Variants in BLTP1 observed in about 807,000 individuals in gnomAD.
The protein encoded by BLTP1 is bridge-like lipid transfer protein family member 1, also known as fragile site-associated protein.
the BLTP1 span, chr4:122,267,051 ATTTTTTTTTTTTT>A: frequency 3.3e-5 from 5 of 152,260 alleles, no homozygotes; most frequent in Middle Eastern, 1.2e-3. Context: ...TAAGGAAGTA[ATTTTTTTTTTTTT>A]TTTTTTTTTT....
chr4:122,264,887 T>C, the BLTP1 span, among the ~76,000 whole-genome samples: 9 of 152,168 alleles, frequency 5.9e-5, no homozygotes, highest in Non-Finnish European at 1.0e-4. Context: ...ATTATTGAAA[T>C]AGTTCACCCA....
At chr4:122,349,503 A>T in the BLTP1 span, 1 of 1,606,652 alleles carries the variant, frequency 6.2e-7, no homozygotes, top group Non-Finnish European at 8.5e-7. The surrounding 1 kb of genome is among the most constrained non-coding windows in gnomAD (Gnocchi z 4.5). Flanking sequence ...TCAGATTACT[A>T]TGGGTTCTAC....
the BLTP1 span, chr4:122,247,240 C>G: frequency 6.2e-7 from 1 of 1,613,434 alleles, no homozygotes; most frequent in South Asian, 1.1e-5. Flanking sequence ...CACAAAGATG[C>G]AGCCTCAGTC....
chr4:122,235,382 C>G, the BLTP1 span: 1 of 983,974 alleles, frequency 1.0e-6, no homozygotes, highest in African/African-American at 1.7e-5. Flanking sequence ...CACCAGCTTG[C>G]TTTTATAGGA....
chr4:122,200,344 G>C, the BLTP1 span: 1 of 867,338 alleles, frequency 1.2e-6, no homozygotes, highest in Non-Finnish European at 1.4e-6. Context: ...TTGGGAGGCT[G>C]AGGCAGGCGG....
At chr4:122,176,759 T>C in the BLTP1 span, among the ~76,000 whole-genome samples, 2 of 152,194 alleles carry the variant, frequency 1.3e-5, no homozygotes, top group African/African-American at 2.4e-5. Flanking sequence ...ATTTAGAAGA[T>C]GTAATTTTCC....
At chr4:122,190,366 G>A in the BLTP1 span, 2 of 899,324 alleles carry the variant, frequency 2.2e-6, no homozygotes, top group African/African-American at 1.8e-5. Context: ...AAAGTGCTGG[G>A]ATTGTAGTCA....
the BLTP1 span, chr4:122,187,316 G>T: frequency 6.7e-7 from 1 of 1,486,742 alleles, no homozygotes; most frequent in Non-Finnish European, 8.9e-7. Flanking sequence ...GTAGTCACTA[G>T]ATGTATTTGG....
the BLTP1 span, chr4:122,152,363 C>CCCTCCT: frequency 3.0e-6 from 3 of 985,834 alleles, no homozygotes; most frequent in South Asian, 4.7e-5. Context: ...GGGACCCCTC[C>CCCTCCT]CCTCCTCCTC....
At chr4:122,334,655 C>T in the BLTP1 span, 55 of 1,091,742 alleles carry the variant, frequency 5.0e-5, no homozygotes, top group Admixed American at 9.4e-5. Flanking sequence ...AAAGGACATA[C>T]ATTTGTCAAT....
At chr4:122,169,672 C>G in the BLTP1 span, 1 of 912,794 alleles carries the variant, frequency 1.1e-6, no homozygotes. Flanking sequence ...TGCATATATA[C>G]ATATACACAC....
the BLTP1 span, chr4:122,309,227 T>C: frequency 1.3e-6 from 2 of 1,585,320 alleles, no homozygotes; most frequent in Non-Finnish European, 1.7e-6. Context: ...TAAAAAATTG[T>C]CACCTTTTGT....
chr4:122,288,790 A>C, the BLTP1 span: 1 of 434,328 alleles, frequency 2.3e-6, no homozygotes, highest in Non-Finnish European at 3.1e-6. Context: ...AGAAAATTTA[A>C]TTTCAAAATT....
At chr4:122,193,964 G>T in the BLTP1 span, among the ~76,000 whole-genome samples, 2 of 151,610 alleles carry the variant, frequency 1.3e-5, no homozygotes, top group Admixed American at 6.6e-5. Context: ...CCGGGTTCAC[G>T]CCATTCTCCT....
At chr4:122,214,591 CT>C in the BLTP1 span, 6 of 153,698 alleles carry the variant, frequency 3.9e-5, no homozygotes, top group African/African-American at 3.3e-4. Flanking sequence ...TTTTTGGTAA[CT>C]ATTTTTTTTT....
chr4:122,316,775 C>T, the BLTP1 span: 54 of 1,612,836 alleles, frequency 3.3e-5, no homozygotes, highest in Middle Eastern at 6.6e-4. Flanking sequence ...GCTAGCCAGC[C>T]GGGAGAACTT....
the BLTP1 span, chr4:122,266,964 T>G: frequency 3.4e-6 from 5 of 1,485,634 alleles, no homozygotes; most frequent in Non-Finnish European, 4.6e-6. Context: ...AGAAGGTGTC[T>G]TTTGCATTTT....
the BLTP1 span, chr4:122,274,388 T>C: frequency 1.2e-6 from 2 of 1,603,830 alleles, no homozygotes; most frequent in Non-Finnish European, 1.7e-6. Context: ...ACTGCTCATA[T>C]TGGTGGGGTT....
the BLTP1 span, among the ~76,000 whole-genome samples, chr4:122,160,556 A>G: frequency 6.6e-6 from 1 of 152,242 alleles, no homozygotes; most frequent in East Asian, 1.9e-4. Context: ...GTATAGCATC[A>G]TAGAATTGGA....
Sources: gnomAD v4.1 joint callset for allele counts (sites outside exome capture counted in the v4.1 genomes callset) on GRCh38, gnomAD v4.1.1 for gene constraint, Gnocchi (gnomAD v3.1) non-coding constraint, MANE v1.5 for transcripts, NCBI Gene and HGNC (gene_info 2026-07-23, HGNC 2026-07-21) for gene names.